Variants in PCDH11X observed in about 807,000 individuals in gnomAD.
PCDH11X encodes protocadherin-11 X-linked.
A neutral mutation model predicts 53.3 loss-of-function variants in PCDH11X; 18 were observed. The ratio of observed to expected loss-of-function variants is 0.34; its 90% CI spans 0.23 to 0.50. The LOEUF is 0.50. PCDH11X is among the 20% of genes least tolerant of loss of function. The pLI is 0.98. For missense variants in PCDH11X, 570 were observed against 1,032.4 expected, an observed-to-expected ratio of 0.55 and a Z score of 6.14; for synonymous variants, 279 against 393.3, an observed-to-expected ratio of 0.71 and a Z score of 3.44.
intron 6 of PCDH11X, among the ~76,000 whole-genome samples, chrX:92,196,937 A>G (rs1163929470): frequency 8.9e-6 from 1 of 111,787 alleles, no homozygotes; most frequent in Non-Finnish European, 1.9e-5. Context: ...AGATAAAACC[A>G]TAATAGTGCA....
At chrX:92,377,811 C>T (rs1383931460) in intron 8 of PCDH11X, among the ~76,000 whole-genome samples, 44 of 101,123 alleles carry the variant, frequency 4.4e-4, no homozygotes, top group African/African-American at 1.5e-3. Flanking sequence ...GTAATAGCAA[C>T]TAATTAAAGT....
intron 8 of PCDH11X, among the ~76,000 whole-genome samples, chrX:92,278,806 G>GTTTTTTTTTTTT (rs35000823): frequency 6.3e-5 from 3 of 47,398 alleles, no homozygotes; most frequent in African/African-American, 2.8e-4. Flanking sequence ...TCTCTTTTCA[G>GTTTTTTTTTTTT]TTTTTTTTTT....
chrX:92,547,835 A>G (rs1218931992), intron 10 of PCDH11X, among the ~76,000 whole-genome samples: 1 of 109,199 alleles, frequency 9.2e-6, no homozygotes, highest in East Asian at 2.9e-4. Context: ...GGTTTAGGCG[A>G]TTCTTCTGCT....
chrX:92,475,164 CAAAAAAAAAAAA>C (rs761171281), intron 10 of PCDH11X, among the ~76,000 whole-genome samples: 8 of 30,540 alleles, frequency 2.6e-4, no homozygotes, highest in Non-Finnish European at 3.5e-4. Context: ...GACTCCGTCT[CAAAAAAAAAAAA>C]AAAAAAAAAA....
At chrX:91,823,200 C>A (rs1475408702) in intron 4 of PCDH11X, among the ~76,000 whole-genome samples, 5 of 110,653 alleles carry the variant, frequency 4.5e-5, no homozygotes, top group African/African-American at 1.6e-4. Flanking sequence ...CCGCTTGGTG[C>A]AGAGCTGAGT....
At chrX:92,076,075 G>A (rs1256718602) in intron 6 of PCDH11X, among the ~76,000 whole-genome samples, 1 of 109,408 alleles carries the variant, frequency 9.1e-6, no homozygotes, top group Non-Finnish European at 1.9e-5. Flanking sequence ...TGGAAGAGAT[G>A]CCTGAACTCT....
chrX:92,087,231 A>T (rs1222736807), intron 6 of PCDH11X, among the ~76,000 whole-genome samples: 1 of 109,373 alleles, frequency 9.1e-6, no homozygotes, highest in East Asian at 2.9e-4. Flanking sequence ...AGTAGCTGGG[A>T]TTACAGGCAG....
chrX:92,430,992 C>G (rs1313180478), intron 9 of PCDH11X, among the ~76,000 whole-genome samples: 1 of 108,923 alleles, frequency 9.2e-6, no homozygotes, highest in Admixed American at 9.9e-5. Context: ...ACTTATTCTT[C>G]TAATCAGTTT....
intron 8 of PCDH11X, among the ~76,000 whole-genome samples, chrX:92,327,686 G>C (rs2574080): frequency 0.37 from 40,907 of 109,301 alleles, 6,081 homozygotes; most frequent in African/African-American, 0.52. Context: ...GATTAGTACA[G>C]TTGCTATTTC....
At chrX:92,293,496 C>T (rs1230414585) in intron 8 of PCDH11X, among the ~76,000 whole-genome samples, 3 of 108,975 alleles carry the variant, frequency 2.8e-5, no homozygotes, top group Admixed American at 9.8e-5. Flanking sequence ...TGGTAGCGGG[C>T]GCCTGTAGTC....
intron 8 of PCDH11X, among the ~76,000 whole-genome samples, chrX:92,275,736 G>C (rs2068073420): frequency 9.0e-6 from 1 of 111,619 alleles, no homozygotes; most frequent in East Asian, 2.8e-4. Context: ...GAGTTTATAG[G>C]TTTTAGAAGC....
At chrX:92,118,731 CTTTTTTTTTTT>C (rs199880924) in intron 6 of PCDH11X, among the ~76,000 whole-genome samples, 5 of 45,635 alleles carry the variant, frequency 1.1e-4, no homozygotes, top group African/African-American at 1.9e-4. Flanking sequence ...ATAATGCAGT[CTTTTTTTTTTT>C]TTTTTTTTTT....
intron 6 of PCDH11X, among the ~76,000 whole-genome samples, chrX:92,118,983 C>T (rs1015879410): frequency 1.0e-4 from 11 of 109,944 alleles, no homozygotes; most frequent in Admixed American, 6.8e-4. Flanking sequence ...CCTCGTGATC[C>T]GCCCTCCTCA....
At chrX:91,968,391 T>C (rs1169957645) in intron 6 of PCDH11X, among the ~76,000 whole-genome samples, 1 of 108,941 alleles carries the variant, frequency 9.2e-6, no homozygotes, top group Non-Finnish European at 1.9e-5. Flanking sequence ...ATTTTTTCTT[T>C]AGTTTGTTAT....
At chrX:92,477,399 G>T (rs922000496) in intron 10 of PCDH11X, among the ~76,000 whole-genome samples, 1 of 103,859 alleles carries the variant, frequency 9.6e-6, no homozygotes, top group Non-Finnish European at 2.0e-5. Context: ...AGGCCATGGA[G>T]AATACTGCCA....
At chrX:91,910,986 A>G (rs1362840602) in intron 6 of PCDH11X, among the ~76,000 whole-genome samples, 4 of 111,371 alleles carry the variant, frequency 3.6e-5, no homozygotes, top group African/African-American at 1.3e-4. Context: ...GAAAACCTAA[A>G]AGCGGAACCA....
chrX:92,587,133 T>C (rs1924480535), intron 10 of PCDH11X, among the ~76,000 whole-genome samples: 1 of 110,191 alleles, frequency 9.1e-6, no homozygotes, highest in Non-Finnish European at 1.9e-5. Context: ...TTACAGCATC[T>C]TATTTCTTTT....
chrX:92,032,534 A>C (rs1349683281), intron 6 of PCDH11X, among the ~76,000 whole-genome samples: 1 of 111,132 alleles, frequency 9.0e-6, no homozygotes, highest in Non-Finnish European at 1.9e-5. Flanking sequence ...AACAATGGTT[A>C]AAGTGGGTAT....
chrX:92,083,808 G>A (rs1396747395), intron 6 of PCDH11X, among the ~76,000 whole-genome samples: 4 of 111,163 alleles, frequency 3.6e-5, no homozygotes, highest in Non-Finnish European at 7.5e-5. Flanking sequence ...AAGCATCTTA[G>A]AGCCAGGCAC....
Sources: allele counts gnomAD v4.1 joint callset (sites outside exome capture counted in the v4.1 genomes callset), GRCh38; gene constraint gnomAD v4.1.1; transcripts MANE v1.5; gene names NCBI Gene and HGNC (gene_info 2026-07-23, HGNC 2026-07-21).